The following RNH1 variants were observed in gnomAD, a reference collection of about 807,000 sequenced individuals.
RNH1 encodes the protein ribonuclease inhibitor.
In RNH1, 38 loss-of-function variants were observed where a neutral mutation model predicts 46.1. The observed-to-expected ratio is 0.82, with a 90% CI of 0.64 to 1.08. The LOEUF (loss-of-function observed/expected upper bound fraction) is 1.08. Ranked by LOEUF, RNH1 falls within the 50% of genes least tolerant of loss-of-function variation. RNH1 has a pLI of 0.00. For missense variants in RNH1, 577 were observed against 590.7 expected, an observed-to-expected ratio of 0.98 and a Z score of 0.24; for synonymous variants, 319 against 279.1, an observed-to-expected ratio of 1.14 and a Z score of -1.43.
intron 9 of RNH1, among the ~76,000 whole-genome samples, chr11:497,359 A>ACTCTCACGTGCTCACACACGGACACTCG (rs1849220587): frequency 7.7e-6 from 1 of 129,660 alleles, no homozygotes; most frequent in Admixed American, 7.5e-5. Context: ...ACGGACACTC[A>ACTCTCACGTGCTCACACACGGACACTCG]TGCTCACTCA....
In RNH1 at chr11:498,618, C is replaced by G. The variant is rs545082371; in HGVS notation, c.795G>C (p.Glu265Asp). 1 of 1,612,194 alleles carries G rather than the reference C, an allele frequency of 6.2e-7. No individual in the cohort carries two copies. The highest frequency in any genetic ancestry group is 8.5e-7 in the Non-Finnish European group (1 of 1,179,990). ...SSRLRTLWIWECGITAKGCGD... is the reference protein window; with the variant it reads ...SSRLRTLWIWDCGITAKGCGD... ...CGCAGCCCTTGGCAGTGATGCCACACTCCCAGATCCTGCAGGACATGGACC... is the reference window on the plus strand; with the variant it reads ...CGCAGCCCTTGGCAGTGATGCCACAGTCCCAGATCCTGCAGGACATGGACC... Residue 265 changes from glutamate (E) to aspartate (D), a missense_variant, in exon 8 of 11, where the codon GAG (glutamate) becomes GAC (aspartate). By Grantham distance (45) the Glu-to-Asp change is conservative (BLOSUM62 2). Coordinates refer to ENST00000354420, the MANE Select transcript of RNH1 (RefSeq NM_203387.3).
intron 2 of RNH1, among the ~76,000 whole-genome samples, chr11:503,978 C>G (rs756069608): frequency 4.0e-4 from 61 of 152,198 alleles, no homozygotes; most frequent in Non-Finnish European, 3.1e-4. Context: ...ACAGCCAAAG[C>G]TAAAAGCACA....
Position 501,923 on chromosome 11 carries a change from C to G in RNH1, c.101+139G>C, listed in dbSNP as rs1227830508. On this transcript the variant is annotated intron_variant, in intron 3 of 10. Coordinates refer to ENST00000354420, the MANE Select transcript of RNH1 (RefSeq NM_203387.3). This position sits in a 1 kb window ranked among gnomAD's most constrained non-coding sequence, Gnocchi z 4.1. The stretch of plus-strand genomic sequence containing the variant: ...AAAAAGAAACACAAGAATCACATCT[C>G]ATGCACGTGGTAGCTGCACAGAATT... 1 of 622,664 alleles carries G rather than the reference C, an allele frequency of 1.6e-6. No homozygotes were observed. Among genetic ancestry groups the G allele is most frequent in the Non-Finnish European group, 2.9e-6 (1 of 346,778 alleles). The allele number at this position is 622,664 out of a possible 1,614,324, so 38.6% of individuals were successfully genotyped here.
chr11:498,839 T>C lies in RNH1; in HGVS notation c.709A>G (p.Asn237Asp), dbSNP rs762494268. ...GCCATGCCCACATCACCCAGCTTGT[T>C]GCTGCCCAGGGCCAGCTCCCGCAGC... is the stretch of plus-strand genomic sequence containing the variant. ...ASLRELALGS[N>D]KLGDVGMAEL... The change falls in exon 7 of 11, where the codon AAC (asparagine) becomes GAC (aspartate). Residue 237 changes from asparagine (N) to aspartate (D), a missense_variant. By Grantham distance (23) the Asn-to-Asp change is conservative (BLOSUM62 1). Coordinates refer to ENST00000354420, the MANE Select transcript of RNH1 (RefSeq NM_203387.3). The C allele has an allele frequency of 5.0e-6, 8 of 1,611,158 alleles. No individual in the cohort carries two copies. Among genetic ancestry groups the C allele is most frequent in the Non-Finnish European group, 6.8e-6 (8 of 1,179,688 alleles).
intron 6 of RNH1, 24 bp downstream of exon 6, chr11:498,990 CA>C: frequency 6.2e-7 from 1 of 1,612,014 alleles, no homozygotes; most frequent in Non-Finnish European, 8.5e-7. Context: ...CCACACCCCG[CA>C]CCCCCCCAAG....
At chr11:505,657 C>G (rs1214470871) in intron 1 of RNH1, 1 of 152,256 alleles carries the variant, frequency 6.6e-6, no homozygotes, top group Admixed American at 6.5e-5. Flanking sequence ...TTCCAGGGCT[C>G]AAGTGCTCCT....
intron 1 of RNH1, chr11:506,248 CT>C (rs1307738273): frequency 1.3e-5 from 2 of 152,228 alleles, no homozygotes; most frequent in African/African-American, 4.8e-5. Flanking sequence ...GATCTTTAGG[CT>C]TTCCACCATC....
At chr11:499,666 C>T in intron 5 of RNH1, 163 bp downstream of exon 5, 1 of 840,054 alleles carries the variant, frequency 1.2e-6, no homozygotes, top group Non-Finnish European at 1.9e-6. Context: ...AGGAGAGCAC[C>T]ACAAGGCCCC....
At position 495,028 on chromosome 11, in the gene RNH1, T is replaced by C; in HGVS notation, c.1153A>G (p.Ser385Gly). The change falls in exon 10 of 11, where the codon AGC (serine) becomes GGC (glycine). Residue 385 changes from serine (S) to glycine (G), a missense_variant. By Grantham distance (56) the Ser-to-Gly change is moderately conservative. Coordinates refer to ENST00000354420, the MANE Select transcript of RNH1 (RefSeq NM_203387.3). ...LWLADCDVSD[S>G]SCSSLAATLL... is the part of the protein sequence containing the mutation. Reference sequence around the variant, plus strand: ...GTTGCGGCGAGGCTGCTGCAGCTGCTGTCACTCACATCGCAGTCGGCCAAC... The same window carrying C: ...GTTGCGGCGAGGCTGCTGCAGCTGCCGTCACTCACATCGCAGTCGGCCAAC... The C allele has an allele frequency of 6.2e-7, 1 of 1,605,544 alleles. No homozygotes were observed. Among genetic ancestry groups the C allele is most frequent in the Non-Finnish European group, 8.5e-7 (1 of 1,176,812 alleles).
In RNH1 at chr11:495,909, G is replaced by A. The variant is rs372551027; in HGVS notation, c.1128-856C>T. 3.9e-5 allele frequency among the ~76,000 whole-genome samples: 6 copies of A among 152,288 alleles called. 1 individual carries two copies. The South Asian group carries it at 1.2e-3, about 32-fold the overall frequency. ...GGAAAGCCCCTGGCGAGAGGCACACGGGAAACAGCAAACAAAAGACAAAAC... is the reference window on the plus strand; with the variant it reads ...GGAAAGCCCCTGGCGAGAGGCACACAGGAAACAGCAAACAAAAGACAAAAC... On this transcript the variant is annotated intron_variant, in intron 9 of 10. Coordinates refer to ENST00000354420, the MANE Select transcript of RNH1 (RefSeq NM_203387.3).
chr11:495,160 A>T, intron 9 of RNH1, 107 bp from the exon 10 acceptor site: 1 of 1,165,976 alleles, frequency 8.6e-7, no homozygotes, highest in Non-Finnish European at 1.2e-6. Flanking sequence ...GTGCTCGGCA[A>T]CTCAGGACCC....
intron 9 of RNH1, among the ~76,000 whole-genome samples, chr11:497,502 C>T (rs1352636244): frequency 6.7e-6 from 1 of 150,242 alleles, no homozygotes. Context: ...CACGGACACT[C>T]GTGCTCATTC....
Position 501,793 on chromosome 11 carries a change from G to C in RNH1, c.101+269C>G. On this transcript the variant is annotated intron_variant, in intron 3 of 10. Transcript: ENST00000354420. The surrounding 1 kb of genome is among the most constrained non-coding windows in gnomAD (Gnocchi z 4.1). ...TCTCCAAGGGAGGGAGAGGAGCTGA[G>C]ACACCGGAGCCAGAGACCCACTGGC... 2.0e-6 allele frequency: 1 copy of C among 506,116 alleles called. No individual in the cohort carries two copies. Among genetic ancestry groups the C allele is most frequent in the Non-Finnish European group, 3.6e-6 (1 of 278,432 alleles). 31.4% of individuals were successfully genotyped at this position (506,116 alleles called of 1,614,324 possible). A position where few individuals can be genotyped will look rare whatever the true frequency, so the allele number is the denominator to read the frequency against.
rs772306931 is a variant in RNH1 at position 502,111 on chromosome 11, C to T, written c.52G>A (p.Ala18Thr). The change falls in exon 3 of 11, where the codon GCT becomes ACT. Residue 18 changes from alanine to threonine, a missense_variant. Ala to Thr is a moderately conservative substitution (Grantham distance 58). Coordinates refer to ENST00000354420, the MANE Select transcript of RNH1 (RefSeq NM_203387.3). The surrounding 1 kb of genome is among the most constrained non-coding windows in gnomAD (Gnocchi z 5.8). ...AGAGGGAGGAGCTCGGCCCATCTAG[C>T]GTCGCTCAGCTCCTCACACTGGATG... ...LDIQCEELSDARWAELLPLLQ... is the reference protein window; with the variant it reads ...LDIQCEELSDTRWAELLPLLQ... The T allele has an allele frequency of 2.1e-5, 34 of 1,612,154 alleles. No individual in the cohort carries two copies. The highest frequency in any genetic ancestry group is 2.4e-5 in the Non-Finnish European group (28 of 1,179,510).
At position 498,870 on chromosome 11, in the gene RNH1, C is replaced by T; in HGVS notation, c.678G>A (p.Lys226=). 6.2e-7 allele frequency: 1 copy of T among 1,612,350 alleles called. No individual in the cohort carries two copies. Among genetic ancestry groups the T allele is most frequent in the African/African-American group, 1.3e-5 (1 of 75,064 alleles). ...CRDLCGIVAS[K]ASLRELALGS... The stretch of plus-strand genomic sequence containing the variant: ...CCAGGGCCAGCTCCCGCAGCGAGGC[C>T]TTGGAGGCCACAATGCCGCACAGGT... Residue 226 remains lysine, a synonymous_variant, in exon 7 of 11, where the codon AAG becomes AAA. Transcript: ENST00000354420.
Position 498,573 on chromosome 11 carries a change from G to T in RNH1, c.840C>A (p.Leu280=). 1 of 1,613,078 alleles carries T rather than the reference G, an allele frequency of 6.2e-7. No individual in the cohort carries two copies. Residue 280 remains leucine (L), a synonymous_variant, in exon 8 of 11, where the codon CTC becomes CTA. Coordinates refer to ENST00000354420, the MANE Select transcript of RNH1 (RefSeq NM_203387.3). ...AKGCGDLCRV[L]RAKESLKELS... is the part of the protein sequence containing the mutation. The stretch of plus-strand genomic sequence containing the variant: ...GCTCCTTCAGGCTCTCCTTGGCCCT[G>T]AGGACACGGCACAGATCCCCGCAGC...
Position 501,761 on chromosome 11 carries a change from C to T in RNH1, c.101+301G>A. 2.3e-6 allele frequency: 1 copy of T among 436,028 alleles called. No homozygotes were observed. The highest frequency in any genetic ancestry group is 4.0e-5 in the East Asian group (1 of 25,182). 27.0% of individuals were successfully genotyped at this position (436,028 alleles called of 1,614,324 possible). A position where few individuals can be genotyped will look rare whatever the true frequency, so the allele number is the denominator to read the frequency against. ...GGAGGGGACCCAAGCTGTGTCCTGC[C>T]CTCGTGTCTCCAAGGGAGGGAGAGG... On this transcript the variant is annotated intron_variant, in intron 3 of 10. Coordinates refer to ENST00000354420, the MANE Select transcript of RNH1 (RefSeq NM_203387.3). This position sits in a 1 kb window ranked among gnomAD's most constrained non-coding sequence, Gnocchi z 4.1.
rs745896312 is a variant in RNH1, at chr11:498,414, CCT to C, written c.956+41_956+42del. 5.6e-6 allele frequency: 9 copies of C among 1,603,232 alleles called. No individual in the cohort carries two copies. The East Asian group carries it at 6.7e-5, about 12-fold the overall frequency. Reference sequence around the variant, plus strand: ...CCCTGGTCTCCTCGGTCACCCTGGCCCTCTCTTGGGCGACAGGGCCCTGCCCC... The same window carrying C: ...CCCTGGTCTCCTCGGTCACCCTGGCCCTCTTGGGCGACAGGGCCCTGCCCC... On this transcript the variant is annotated intron_variant, in intron 8 of 10. Transcript: ENST00000354420.
intron 3 of RNH1, 157 bp from the exon 4 acceptor site, chr11:500,811 T>C (rs1371341611): frequency 1.1e-6 from 1 of 892,400 alleles, no homozygotes; most frequent in Non-Finnish European, 1.8e-6. Context: ...AAGGAGGAAC[T>C]GTTCCATGAA....
Sources: allele counts gnomAD v4.1 joint callset (sites outside exome capture counted in the v4.1 genomes callset), GRCh38; gene constraint gnomAD v4.1.1; non-coding constraint Gnocchi (gnomAD v3.1); transcripts MANE v1.5; gene names NCBI Gene and HGNC (gene_info 2026-07-23, HGNC 2026-07-21).